ARHGAP15: variants seen among roughly 807,000 people sequenced by gnomAD.
ARHGAP15 encodes the protein Rho GTPase activating protein 15.
ARHGAP15 carries 51 observed loss-of-function variants against 63.7 expected under a neutral mutation model. The ratio of observed to expected loss-of-function variants is 0.80; its 90% CI spans 0.64 to 1.01. The LOEUF is 1.01. ARHGAP15 is among the 50% of genes least tolerant of loss of function. The pLI is 0.00. For missense variants in ARHGAP15, 560 were observed against 564.6 expected, an observed-to-expected ratio of 0.99 and a Z score of 0.08; for synonymous variants, 191 against 193.8, an observed-to-expected ratio of 0.99 and a Z score of 0.12.
intron 2 of ARHGAP15, among the ~76,000 whole-genome samples, chr2:143,181,907 C>A (rs1691248634): frequency 6.6e-6 from 1 of 151,728 alleles, no homozygotes; most frequent in Admixed American, 6.6e-5. Flanking sequence ...TGGTTTTTGA[C>A]ATGCTTTCCT....
In ARHGAP15 at chr2:143,436,588, C is replaced by T. The variant is rs146961960; in HGVS notation, c.574-325C>T. 5.4e-3 allele frequency among the ~76,000 whole-genome samples: 817 copies of T among 152,194 alleles called. 4 individuals are homozygous for T. Among genetic ancestry groups the T allele is most frequent in the African/African-American group, 0.019 (774 of 41,532 alleles). ...GAATTCTAGTTCTATCATTTGTTAC[C>T]TGTGTGGCCTTAGGCAAATTACTTG... is the stretch of plus-strand genomic sequence containing the variant. On this transcript the variant is annotated intron_variant, in intron 7 of 13. Coordinates refer to ENST00000295095, the MANE Select transcript of ARHGAP15 (RefSeq NM_018460.4).
chr2:143,262,325 G>C (rs1046393687), intron 6 of ARHGAP15, among the ~76,000 whole-genome samples: 1 of 151,940 alleles, frequency 6.6e-6, no homozygotes, highest in South Asian at 2.1e-4. Flanking sequence ...CTCTACAAAA[G>C]AGCTAATAAA....
At chr2:143,678,371 G>T (rs1011660829) in intron 12 of ARHGAP15, among the ~76,000 whole-genome samples, 24 of 152,146 alleles carry the variant, frequency 1.6e-4, no homozygotes, top group African/African-American at 5.1e-4. Flanking sequence ...AGTAGTTTTT[G>T]AAATTTTCTT....
chr2:143,288,158 C>T (rs1047216240), intron 6 of ARHGAP15, among the ~76,000 whole-genome samples: 12 of 152,160 alleles, frequency 7.9e-5, no homozygotes, highest in South Asian at 2.1e-4. Flanking sequence ...GTATATAAAT[C>T]GGCCTCCCAT....
intron 6 of ARHGAP15, among the ~76,000 whole-genome samples, chr2:143,413,969 G>GCGCGCGCGCGCGCGCA (rs1390553022): frequency 6.6e-6 from 1 of 150,610 alleles, no homozygotes; most frequent in South Asian, 2.1e-4. Context: ...GTGTGTGTGC[G>GCGCGCGCGCGCGCGCA]CGCTCTCTGG....
intron 12 of ARHGAP15, among the ~76,000 whole-genome samples, chr2:143,680,046 A>T (rs1045209658): frequency 7.5e-5 from 11 of 146,916 alleles, no homozygotes; most frequent in Non-Finnish European, 1.4e-4. Context: ...AAAAAAAAAA[A>T]AAAAAGGAAA....
chr2:143,239,629 G>A (rs949453077), intron 5 of ARHGAP15, among the ~76,000 whole-genome samples: 1 of 152,098 alleles, frequency 6.6e-6, no homozygotes, highest in African/African-American at 2.4e-5. Flanking sequence ...CAACATAAAA[G>A]GCCTCATTAA....
chr2:143,624,639 G>A (rs1360839180), intron 12 of ARHGAP15, among the ~76,000 whole-genome samples: 3 of 152,054 alleles, frequency 2.0e-5, no homozygotes, highest in Non-Finnish European at 2.9e-5. Context: ...AAGCGGTCTC[G>A]AAAAGGATCC....
intron 13 of ARHGAP15, among the ~76,000 whole-genome samples, chr2:143,751,052 GGT>G (rs1250539476): frequency 6.6e-6 from 1 of 152,200 alleles, no homozygotes. Flanking sequence ...CAGAGCTCAT[GGT>G]TGCTGTCACA....
chr2:143,266,794 TGAA>T (rs1681020625), intron 6 of ARHGAP15, among the ~76,000 whole-genome samples: 1 of 152,166 alleles, frequency 6.6e-6, no homozygotes, highest in Non-Finnish European at 1.5e-5. Flanking sequence ...AATAAGTTAA[TGAA>T]GAAAATACTA....
chr2:143,260,151 CCTT>C (rs1373409550), intron 6 of ARHGAP15, among the ~76,000 whole-genome samples: 3 of 152,030 alleles, frequency 2.0e-5, no homozygotes, highest in Non-Finnish European at 2.9e-5. Context: ...AACTCGTAAT[CCTT>C]CTTCATGAAT....
At chr2:143,674,348 T>C (rs1196849458) in intron 12 of ARHGAP15, among the ~76,000 whole-genome samples, 3 of 152,180 alleles carry the variant, frequency 2.0e-5, no homozygotes, top group Admixed American at 6.5e-5. Context: ...TAAAATTTTT[T>C]CTTGAGCTAA....
intron 12 of ARHGAP15, among the ~76,000 whole-genome samples, chr2:143,650,722 C>T (rs954346297): frequency 3.3e-5 from 5 of 151,854 alleles, no homozygotes; most frequent in South Asian, 2.1e-4. Context: ...TTCTGTGGTA[C>T]GTACTGAAGA....
At chr2:143,195,848 G>A (rs1558806838) in intron 2 of ARHGAP15, among the ~76,000 whole-genome samples, 1 of 152,138 alleles carries the variant, frequency 6.6e-6, no homozygotes, top group Non-Finnish European at 1.5e-5. Flanking sequence ...AATGTTTCAT[G>A]TTTATGTATA....
chr2:143,331,831 G>C (rs541107221), intron 6 of ARHGAP15, among the ~76,000 whole-genome samples: 6 of 152,236 alleles, frequency 3.9e-5, no homozygotes, highest in African/African-American at 1.2e-4. Context: ...GGTTTAACTT[G>C]TGATTCTAAT....
intron 2 of ARHGAP15, among the ~76,000 whole-genome samples, chr2:143,170,215 C>A (rs1043013338): frequency 6.6e-6 from 1 of 152,036 alleles, no homozygotes; most frequent in Non-Finnish European, 1.5e-5. Flanking sequence ...ATCACCTCTG[C>A]GTTTTATTAT....
At chr2:143,301,680 T>TA (rs555600145) in intron 6 of ARHGAP15, among the ~76,000 whole-genome samples, 139 of 152,074 alleles carry the variant, frequency 9.1e-4, no homozygotes, top group African/African-American at 3.3e-3. Flanking sequence ...ATGTGTGGAT[T>TA]AAATATGTAT....
Position 143,768,246 on chromosome 2 carries a change from T to A in ARHGAP15, c.*74T>A. The A allele has an allele frequency of 6.9e-7, 1 of 1,447,358 alleles. No individual in the cohort carries two copies. 89.7% of individuals were successfully genotyped at this position (1,447,358 alleles called of 1,614,324 possible). ...TATTTTTACATTTCTGTAAACATAT[T>A]TCTGAAATATTTTTTGCCTTTCAAG... is the stretch of plus-strand genomic sequence containing the variant. On this transcript the variant is annotated 3_prime_UTR_variant, in exon 14 of 14. Coordinates refer to ENST00000295095, the MANE Select transcript of ARHGAP15 (RefSeq NM_018460.4).
chr2:143,688,260 G>A (rs990062968), intron 12 of ARHGAP15, among the ~76,000 whole-genome samples: 1 of 152,104 alleles, frequency 6.6e-6, no homozygotes, highest in Non-Finnish European at 1.5e-5. Context: ...TTCCTACGAA[G>A]AGAAGTAAAC....
Sources: gnomAD v4.1 joint callset for allele counts (sites outside exome capture counted in the v4.1 genomes callset) on GRCh38, gnomAD v4.1.1 for gene constraint, MANE v1.5 for transcripts, NCBI Gene and HGNC (gene_info 2026-07-23, HGNC 2026-07-21) for gene names.